Variants in MAP3K5 observed in about 807,000 individuals in gnomAD.
The protein encoded by MAP3K5 is ASK-1.
MAP3K5 carries 56 observed loss-of-function variants against 158.7 expected under a neutral mutation model. The observed-to-expected ratio is 0.35, with a 90% CI of 0.28 to 0.44. The LOEUF is 0.44. Among genes scored for constraint, MAP3K5 ranks in the 20% least tolerant of loss-of-function variants. The pLI is 1.00. For missense variants in MAP3K5, 1,294 were observed against 1,674.8 expected (o/e 0.77, Z 3.97); for synonymous variants, 579 against 601.7 (o/e 0.96, Z 0.55).
intron 1 of MAP3K5, among the ~76,000 whole-genome samples, chr6:136,745,740 G>A (rs1220128588): frequency 2.6e-5 from 4 of 152,118 alleles, no homozygotes; most frequent in African/African-American, 4.8e-5. Flanking sequence ...AGAAGGGCCC[G>A]TGGACATGAA....
intron 1 of MAP3K5, among the ~76,000 whole-genome samples, chr6:136,767,376 G>A (rs1274562507): frequency 6.6e-6 from 1 of 151,278 alleles, no homozygotes; most frequent in South Asian, 2.1e-4. Context: ...AGGAGGGAGG[G>A]GACTAAAGGA....
Position 136,775,559 on chromosome 6 carries a change from G to C in MAP3K5, c.448+16151C>G, listed in dbSNP as rs9389438. ...CATATCCTCTGGCACAGAACTCTTT[G>C]GGTAACATGCACCTAACTCCCCTGA... On this transcript the variant is annotated intron_variant, in intron 1 of 29. Coordinates refer to ENST00000359015, the MANE Select transcript of MAP3K5 (RefSeq NM_005923.4). 2.6e-5 allele frequency among the ~76,000 whole-genome samples: 4 copies of C among 152,104 alleles called. No individual in the cohort carries two copies. In the East Asian group the frequency reaches 7.7e-4, roughly 29 times the overall value.
At chr6:136,632,278 T>C (rs1197185407) in intron 14 of MAP3K5, among the ~76,000 whole-genome samples, 1 of 152,132 alleles carries the variant, frequency 6.6e-6, no homozygotes, top group South Asian at 2.1e-4. Context: ...CCCAGCATTT[T>C]GGGAGGCCAA....
At chr6:136,757,409 G>C (rs964727229) in intron 1 of MAP3K5, among the ~76,000 whole-genome samples, 1 of 151,992 alleles carries the variant, frequency 6.6e-6, no homozygotes, top group South Asian at 2.1e-4. Context: ...TTTCTGTGTT[G>C]GGAAGCAAGA....
intron 2 of MAP3K5, among the ~76,000 whole-genome samples, chr6:136,708,085 C>T (rs932119407): frequency 4.6e-5 from 7 of 152,122 alleles, no homozygotes; most frequent in Non-Finnish European, 1.0e-4. Flanking sequence ...CCAATGGAGT[C>T]GGTTGGCTGA....
intron 23 of MAP3K5, among the ~76,000 whole-genome samples, chr6:136,587,651 G>A (rs1775197367): frequency 1.3e-5 from 2 of 152,170 alleles, no homozygotes; most frequent in African/African-American, 4.8e-5. Flanking sequence ...ACCATTTGAT[G>A]TCACAGGAAA....
intron 21 of MAP3K5, among the ~76,000 whole-genome samples, chr6:136,596,489 T>G (rs58647151): frequency 0.078 from 11,863 of 151,970 alleles, 992 homozygotes; most frequent in East Asian, 0.25. Flanking sequence ...AGCTGTGATG[T>G]GGGGCAAAAA....
chr6:136,656,774 AC>A (rs377586836), intron 9 of MAP3K5, among the ~76,000 whole-genome samples: 599 of 152,196 alleles, frequency 3.9e-3, no homozygotes, highest in African/African-American at 0.014. Flanking sequence ...GGCATGCACC[AC>A]CACGCCTGGC....
At chr6:136,646,135 T>C (rs1418681151) in intron 11 of MAP3K5, among the ~76,000 whole-genome samples, 1 of 152,110 alleles carries the variant, frequency 6.6e-6, no homozygotes, top group Non-Finnish European at 1.5e-5. Flanking sequence ...TGCAAAGAAA[T>C]TGACATAAAT....
At chr6:136,667,119 T>C (rs1275793216) in intron 8 of MAP3K5, among the ~76,000 whole-genome samples, 1 of 152,214 alleles carries the variant, frequency 6.6e-6, no homozygotes, top group Non-Finnish European at 1.5e-5. Flanking sequence ...TGCAAATCAC[T>C]GTCAATTCCT....
At chr6:136,764,132 T>C (rs1783867121) in intron 1 of MAP3K5, among the ~76,000 whole-genome samples, 1 of 152,196 alleles carries the variant, frequency 6.6e-6, no homozygotes, top group Non-Finnish European at 1.5e-5. Flanking sequence ...CACACCCAGA[T>C]GACATATGCA....
chr6:136,730,817 G>T (rs1338165561), intron 1 of MAP3K5, among the ~76,000 whole-genome samples: 2 of 151,344 alleles, frequency 1.3e-5, no homozygotes, highest in African/African-American at 2.4e-5. Context: ...AGAAAGAAAT[G>T]AGGCTTCCTG....
intron 5 of MAP3K5, 148 bp from the exon 6 acceptor site, chr6:136,696,205 A>G: frequency 3.5e-6 from 2 of 565,022 alleles, no homozygotes; most frequent in Non-Finnish European, 6.3e-6. Context: ...AACCTAGAAT[A>G]AACAGTTTTT....
intron 8 of MAP3K5, among the ~76,000 whole-genome samples, chr6:136,662,491 C>T (rs1313678723): frequency 2.6e-5 from 4 of 151,768 alleles, no homozygotes; most frequent in Admixed American, 1.3e-4. Context: ...TTTAGAAGTC[C>T]GTTCTCTCTG....
At chr6:136,689,330 G>A (rs948691504) in intron 7 of MAP3K5, among the ~76,000 whole-genome samples, 1 of 152,124 alleles carries the variant, frequency 6.6e-6, no homozygotes, top group Non-Finnish European at 1.5e-5. Context: ...AATAAATTTG[G>A]TTAAGATAAA....
intron 7 of MAP3K5, among the ~76,000 whole-genome samples, chr6:136,679,083 C>T (rs1194192690): frequency 6.6e-6 from 1 of 152,204 alleles, no homozygotes; most frequent in Non-Finnish European, 1.5e-5. Flanking sequence ...AAGATGTAAA[C>T]TTCTCTTTTG....
At chr6:136,661,422 GT>G (rs757237733) in intron 8 of MAP3K5, among the ~76,000 whole-genome samples, 1 of 152,118 alleles carries the variant, frequency 6.6e-6, no homozygotes, top group Non-Finnish European at 1.5e-5. Flanking sequence ...TTGAGACAAG[GT>G]CTCACTCTGT....
intron 1 of MAP3K5, among the ~76,000 whole-genome samples, chr6:136,730,565 CA>C (rs1464948534): frequency 1.3e-5 from 2 of 151,532 alleles, no homozygotes; most frequent in East Asian, 3.9e-4. Context: ...ACTAAAAACA[CA>C]AAAAAATTAG....
intron 18 of MAP3K5, among the ~76,000 whole-genome samples, 167 bp downstream of exon 18, chr6:136,611,107 CAAAAAAAA>C (rs59508317): frequency 0.041 from 999 of 24,388 alleles, 8 homozygotes; most frequent in African/African-American, 0.11. Context: ...GACCCTGTCT[CAAAAAAAA>C]AAAAAAAAAA....
Sources: allele counts gnomAD v4.1 joint callset (sites outside exome capture counted in the v4.1 genomes callset), GRCh38; gene constraint gnomAD v4.1.1; transcripts MANE v1.5; gene names NCBI Gene and HGNC (gene_info 2026-07-23, HGNC 2026-07-21).